The following DGKG variants were observed in gnomAD, a reference collection of about 807,000 sequenced individuals.
DGKG encodes the protein DAG kinase gamma.
A neutral mutation model predicts 105.3 loss-of-function variants in DGKG; 78 were observed. The ratio of observed to expected loss-of-function variants is 0.74; its 90% CI spans 0.62 to 0.89. The LOEUF (loss-of-function observed/expected upper bound fraction) is 0.89, where lower values mean the gene tolerates loss of function less well. Among genes scored for constraint, DGKG ranks in the 40% least tolerant of loss-of-function variants. The pLI is 0.00. For synonymous variants in DGKG, 346 were observed against 367.1 expected, an observed-to-expected ratio of 0.94 and a Z score of 0.66; for missense variants, 958 against 1,020.1, an observed-to-expected ratio of 0.94 and a Z score of 0.83.
Position 186,253,105 on chromosome 3 carries a change from G to A in DGKG, c.1588C>T (p.Arg530Cys), listed in dbSNP as rs1312876039. 19 of 1,614,042 alleles carry A rather than the reference G, an allele frequency of 1.2e-5. No homozygotes were observed. Among genetic ancestry groups the A allele is most frequent in the Non-Finnish European group, 1.4e-5 (16 of 1,180,004 alleles). ...CATGCAAACTCACCTCCTCCCCAGC[G>A]GAGACAACGGGCAAGGTCATTTCCT... is the stretch of plus-strand genomic sequence containing the variant. ...GTGNDLARCL[R>C]WGGGYEGGSL... The change falls in exon 18 of 25, where the codon CGC becomes TGC. Residue 530 changes from arginine to cysteine, a missense_variant. Arg to Cys is a radical substitution (Grantham distance 180). Around this residue, in one of 2 missense-constraint regions of DGKG, gnomAD observed 315 missense variants for 400.6 expected, o/e 0.79. Coordinates refer to ENST00000265022, the MANE Select transcript of DGKG (RefSeq NM_001346.3).
At chr3:186,172,737 GA>G (rs1216348060) in intron 22 of DGKG, among the ~76,000 whole-genome samples, 2 of 152,204 alleles carry the variant, frequency 1.3e-5, no homozygotes, top group African/African-American at 4.8e-5. Context: ...CAGAGGTAAA[GA>G]AAAAAGCTGG....
At chr3:186,298,459 T>C (rs1483450308) in intron 3 of DGKG, among the ~76,000 whole-genome samples, 1 of 152,070 alleles carries the variant, frequency 6.6e-6, no homozygotes. Context: ...CAGTTGCATA[T>C]TGGGGCTTGG....
At chr3:186,353,705 T>TCTATATCTATA (rs1553825822) in intron 1 of DGKG, among the ~76,000 whole-genome samples, 1 of 114,928 alleles carries the variant, frequency 8.7e-6, no homozygotes, top group East Asian at 2.1e-4. Flanking sequence ...TATATCTATA[T>TCTATATCTATA]AACAGTGGAC....
chr3:186,317,237 C>T (rs755460296), intron 2 of DGKG, among the ~76,000 whole-genome samples: 1 of 152,232 alleles, frequency 6.6e-6, no homozygotes, highest in Non-Finnish European at 1.5e-5. Context: ...CTCTCTGTGT[C>T]TTCTGCTGAA....
chr3:186,314,615 A>G (rs2108634618), intron 2 of DGKG, among the ~76,000 whole-genome samples: 1 of 152,152 alleles, frequency 6.6e-6, no homozygotes, highest in Middle Eastern at 3.4e-3. Context: ...TTAGCTGGGC[A>G]TGGTGGTGGG....
rs747384675 is a variant in DGKG, at chr3:186,298,113, G to C, written c.261C>G (p.Thr87=). ...TGGCTCCCTCCGTCGGGTGGTCAGAGGTCTCGTGTCTGGGCTTCTGGCTGA... is the reference window on the plus strand; with the variant it reads ...TGGCTCCCTCCGTCGGGTGGTCAGACGTCTCGTGTCTGGGCTTCTGGCTGA... ...LAFSQKPRHE[T]SDHPTEGASN... is the part of the protein sequence containing the mutation. The change falls in exon 4 of 25, where the codon ACC becomes ACG. Residue 87 remains threonine, a synonymous_variant. Coordinates refer to ENST00000265022, the MANE Select transcript of DGKG (RefSeq NM_001346.3). 87 of 1,613,988 alleles carry C rather than the reference G, an allele frequency of 5.4e-5. No homozygotes were observed. The highest frequency in any genetic ancestry group is 6.9e-5 in the Non-Finnish European group (82 of 1,179,994).
At chr3:186,164,023 G>A (rs749836814) in intron 23 of DGKG, among the ~76,000 whole-genome samples, 3 of 152,150 alleles carry the variant, frequency 2.0e-5, no homozygotes, top group Non-Finnish European at 2.9e-5. Flanking sequence ...CAGGGAATCC[G>A]CTCTGGGGAC....
intron 21 of DGKG, among the ~76,000 whole-genome samples, chr3:186,198,783 A>C (rs1017085252): frequency 6.6e-6 from 1 of 152,242 alleles, no homozygotes; most frequent in Non-Finnish European, 1.5e-5. Flanking sequence ...CTATGGCCAT[A>C]ATAGAGAAAG....
At chr3:186,339,590 G>T (rs893824364) in intron 1 of DGKG, among the ~76,000 whole-genome samples, 1 of 152,148 alleles carries the variant, frequency 6.6e-6, no homozygotes, top group African/African-American at 2.4e-5. Context: ...AAACTAATTA[G>T]GAATGTGCTA....
chr3:186,351,695 G>A (rs1276822398), intron 1 of DGKG, among the ~76,000 whole-genome samples: 1 of 152,240 alleles, frequency 6.6e-6, no homozygotes, highest in Non-Finnish European at 1.5e-5. Context: ...GACAGTGGAT[G>A]TAAGTGCAGG....
At chr3:186,343,734 A>G (rs1726195757) in intron 1 of DGKG, among the ~76,000 whole-genome samples, 1 of 152,236 alleles carries the variant, frequency 6.6e-6, no homozygotes, top group Non-Finnish European at 1.5e-5. Flanking sequence ...TTATCCAACT[A>G]TAATGACAAT....
intron 19 of DGKG, among the ~76,000 whole-genome samples, chr3:186,243,646 C>T (rs951725362): frequency 2.0e-5 from 3 of 152,150 alleles, no homozygotes; most frequent in African/African-American, 7.2e-5. Context: ...TGTAACGCCC[C>T]TTCACCGCTC....
intron 22 of DGKG, among the ~76,000 whole-genome samples, chr3:186,168,354 G>A (rs1441391602): frequency 1.3e-5 from 2 of 152,096 alleles, no homozygotes; most frequent in Non-Finnish European, 1.5e-5. Context: ...TTTGTGTGTA[G>A]TGAACATATA....
chr3:186,294,321 T>C (rs1378682697), intron 5 of DGKG, among the ~76,000 whole-genome samples: 1 of 152,152 alleles, frequency 6.6e-6, no homozygotes, highest in African/African-American at 2.4e-5. Flanking sequence ...ATGAATTGTA[T>C]CTTCTTCTAG....
At chr3:186,257,765 C>T in intron 17 of DGKG, 89 bp downstream of exon 17, 3 of 1,007,472 alleles carry the variant, frequency 3.0e-6, no homozygotes, top group Non-Finnish European at 4.7e-6. Context: ...AGACATGGCT[C>T]CATGTCTCTT....
chr3:186,323,282 T>C (rs1725169306), intron 1 of DGKG, among the ~76,000 whole-genome samples: 1 of 152,230 alleles, frequency 6.6e-6, no homozygotes, highest in Non-Finnish European at 1.5e-5. Flanking sequence ...TGCCAGGGAA[T>C]CTAGCATTGC....
At chr3:186,209,616 G>A (rs975700288) in intron 21 of DGKG, among the ~76,000 whole-genome samples, 3 of 152,068 alleles carry the variant, frequency 2.0e-5, no homozygotes, top group African/African-American at 7.2e-5. Flanking sequence ...CAAAGGCCTG[G>A]CCTGTTGTCT....
intron 1 of DGKG, among the ~76,000 whole-genome samples, chr3:186,359,586 G>A (rs1031980098): frequency 4.6e-5 from 7 of 152,110 alleles, no homozygotes; most frequent in Admixed American, 6.5e-5. Flanking sequence ...CTAGAAAAAT[G>A]CAACCCTAGA....
chr3:186,275,412 C>T (rs528759985), intron 10 of DGKG, 135 bp downstream of exon 10: 2 of 759,084 alleles, frequency 2.6e-6, no homozygotes, highest in East Asian at 5.1e-5. Flanking sequence ...CGCTTTATTC[C>T]TTCTGTTGGG....
Sources: gnomAD v4.1 joint callset for allele counts (sites outside exome capture counted in the v4.1 genomes callset) on GRCh38, gnomAD v4.1.1 for gene constraint, gnomAD v4.1.1 regional missense constraint, MANE v1.5 for transcripts, NCBI Gene and HGNC (gene_info 2026-07-23, HGNC 2026-07-21) for gene names.